Variants in RHD observed in about 807,000 individuals in gnomAD.
The protein encoded by RHD is blood group Rh(D) polypeptide.
RHD carries 16 observed loss-of-function variants against 45.5 expected under a neutral mutation model. The ratio of observed to expected loss-of-function variants is 0.35; its 90% CI spans 0.24 to 0.53. The LOEUF (loss-of-function observed/expected upper bound fraction) is 0.53, where lower values mean the gene tolerates loss of function less well. RHD is among the 20% of genes least tolerant of loss of function. The pLI is 0.92. For synonymous variants in RHD, 131 were observed against 217.5 expected (o/e 0.60, Z 3.50); for missense variants, 306 against 532.0 (o/e 0.58, Z 4.18).
chr1:25,307,619 G>A, intron 7 of RHD: 3 of 972,360 alleles, frequency 3.1e-6, no homozygotes, highest in Non-Finnish European at 4.7e-6. Flanking sequence ...TCTAAGAAAT[G>A]AGATTTAAGA....
chr1:25,276,360 C>T (rs1180802639), intron 1 of RHD, among the ~76,000 whole-genome samples: 3 of 123,974 alleles, frequency 2.4e-5, no homozygotes, highest in African/African-American at 8.4e-5. Flanking sequence ...CACGTAGGGT[C>T]ATCGTGCTGT....
rs545691736 is a variant in RHD, at chr1:25,279,232, G to T, written c.149-5341G>T. 2.0e-4 allele frequency among the ~76,000 whole-genome samples: 26 copies of T among 127,152 alleles called. 4 individuals are homozygous for T. The highest frequency in any genetic ancestry group is 7.1e-4 in the African/African-American group (26 of 36,680). 83.4% of individuals were successfully genotyped at this position (127,152 alleles called of 152,430 possible). On this transcript the variant is annotated intron_variant, in intron 1 of 9. Transcript: ENST00000328664. ...ACCGCTAATCAGCGGCCGGCACGGGGTAACAGTTACTAACACTCACTACGT... is the reference window on the plus strand; with the variant it reads ...ACCGCTAATCAGCGGCCGGCACGGGTTAACAGTTACTAACACTCACTACGT...
At position 25,313,695 on chromosome 1, in the gene RHD, A is replaced by C. The variant is rs140444853; in HGVS notation, c.1074-3305A>C. 3.5e-4 allele frequency among the ~76,000 whole-genome samples: 46 copies of C among 132,368 alleles called. 5 individuals carry two copies. The East Asian group carries it at 4.5e-3, about 13-fold the overall frequency. The allele number at this position is 132,368 out of a possible 152,430, so 86.8% of individuals were successfully genotyped here. On this transcript the variant is annotated intron_variant, in intron 7 of 9. Transcript: ENST00000328664. ...CAGCAGAAAGAGAGGGGGAACTGGG[A>C]CTATGCCTTTATGAAAAAGAGTGGT...
In RHD at chr1:25,329,049, A is replaced by C; in HGVS notation, c.*125A>C. 7.3e-7 allele frequency: 1 copy of C among 1,371,686 alleles called. No homozygotes were observed. The highest frequency in any genetic ancestry group is 1.4e-5 in the African/African-American group (1 of 70,912). The allele number at this position is 1,371,686 out of a possible 1,614,324, so 85.0% of individuals were successfully genotyped here. A position where few individuals can be genotyped will look rare whatever the true frequency, so the allele number is the denominator to read the frequency against. ...TCTCCAATGTTCGCGCAGGCACTGG[A>C]GTCAGAGAAAATGGAGTTGAATCCT... On this transcript the variant is annotated 3_prime_UTR_variant, in exon 10 of 10. Coordinates refer to ENST00000328664, the MANE Select transcript of RHD (RefSeq NM_016124.6).
intron 8 of RHD, among the ~76,000 whole-genome samples, chr1:25,321,202 C>A (rs141866055): frequency 2.3e-5 from 3 of 129,558 alleles, no homozygotes; most frequent in Non-Finnish European, 5.5e-5. Flanking sequence ...CCTATAGGAG[C>A]ACCCAATTGG....
At position 25,278,259 on chromosome 1, in the gene RHD, A is replaced by G. The variant is rs679693; in HGVS notation, c.148+5564A>G. Among the ~76,000 whole-genome samples the G allele has an allele frequency of 2.3e-4, 30 of 130,294 alleles. 3 individuals are homozygous for G. Among genetic ancestry groups the G allele is most frequent in the South Asian group, 7.2e-4 (3 of 4,184 alleles). The allele number at this position is 130,294 out of a possible 152,430, so 85.5% of individuals were successfully genotyped here. ...GCATAGAGAGGTGCCAGTTCCTGAG[A>G]TGAGAGACAGAAGGGGAGGGACAGG... is the stretch of plus-strand genomic sequence containing the variant. On this transcript the variant is annotated intron_variant, in intron 1 of 9. Coordinates refer to ENST00000328664, the MANE Select transcript of RHD (RefSeq NM_016124.6).
intron 7 of RHD, among the ~76,000 whole-genome samples, chr1:25,315,596 AC>A (rs1644398376): frequency 8.1e-6 from 1 of 123,112 alleles, no homozygotes; most frequent in Non-Finnish European, 1.9e-5. Context: ...TCCCAGGTTC[AC>A]GCCGTTCTCC....
intron 8 of RHD, 131 bp from the exon 9 acceptor site, chr1:25,321,758 G>C (rs1396726651): frequency 1.1e-5 from 5 of 465,270 alleles, no homozygotes; most frequent in African/African-American, 7.9e-5. Context: ...CCATTTATTT[G>C]TCTTTCAATT....
chr1:25,312,684 A>G (rs1644210484), intron 7 of RHD, among the ~76,000 whole-genome samples: 1 of 127,702 alleles, frequency 7.8e-6, no homozygotes, highest in African/African-American at 2.6e-5. Context: ...CAGGAGTTTG[A>G]GGCTGCAGTG....
chr1:25,302,294 GACAAA>G (rs1352770579), intron 5 of RHD, among the ~76,000 whole-genome samples: 1 of 129,456 alleles, frequency 7.7e-6, no homozygotes, highest in Admixed American at 7.5e-5. Context: ...TGAGAGGGGA[GACAAA>G]ACAAGTTCTC....
intron 2 of RHD, 103 bp from the exon 3 acceptor site, chr1:25,290,538 A>C: frequency 9.6e-7 from 1 of 1,044,878 alleles, no homozygotes; most frequent in Admixed American, 1.9e-5. Flanking sequence ...GTAGGTGCCC[A>C]ACAGTGTTTG....
chr1:25,313,920 A>C (rs1318137347), intron 7 of RHD, among the ~76,000 whole-genome samples: 1 of 133,240 alleles, frequency 7.5e-6, no homozygotes, highest in African/African-American at 2.6e-5. Context: ...AGAATCTAAG[A>C]AAAGATAGTT....
intron 8 of RHD, among the ~76,000 whole-genome samples, chr1:25,321,388 T>TGGTG (rs1644691135): frequency 8.4e-6 from 1 of 118,832 alleles, no homozygotes; most frequent in Non-Finnish European, 2.0e-5. Context: ...CGGCCAGGTG[T>TGGTG]GGTGGCTCAT....
chr1:25,280,308 C>CT (rs76220916), intron 1 of RHD, among the ~76,000 whole-genome samples: 2,273 of 113,052 alleles, frequency 0.02, 467 homozygotes, highest in Non-Finnish European at 0.031. Context: ...TTCCTCATCT[C>CT]TTTTTTTTTT....
rs531187971 is a variant in RHD, at chr1:25,277,965, C to T, written c.148+5270C>T. 3.1e-3 allele frequency among the ~76,000 whole-genome samples: 415 copies of T among 133,088 alleles called. 89 individuals carry two copies. The highest frequency in any genetic ancestry group is 6.0e-3 in the South Asian group (26 of 4,324). 87.3% of individuals were successfully genotyped at this position (133,088 alleles called of 152,430 possible). The stretch of plus-strand genomic sequence containing the variant: ...CTGGGATTACAGGCGTGAGCCACCG[C>T]GCCTGGCCCAAAAGCTTTAATTTCT... On this transcript the variant is annotated intron_variant, in intron 1 of 9. Transcript: ENST00000328664.
intron 1 of RHD, among the ~76,000 whole-genome samples, chr1:25,283,358 C>A (rs781124328): frequency 7.6e-6 from 1 of 131,102 alleles, no homozygotes; most frequent in African/African-American, 2.6e-5. Flanking sequence ...TAGCGAAACC[C>A]CTTCTCTATT....
At chr1:25,319,027 G>A (rs1644560473) in intron 8 of RHD, among the ~76,000 whole-genome samples, 1 of 132,356 alleles carries the variant, frequency 7.6e-6, no homozygotes, top group African/African-American at 2.6e-5. Context: ...TCCAACCCTG[G>A]GAAAGGCTGC....
At chr1:25,301,226 T>C (rs368734984) in intron 4 of RHD, 133 bp downstream of exon 4, 17 of 946,470 alleles carry the variant, frequency 1.8e-5, no homozygotes, top group Middle Eastern at 3.1e-4. Context: ...CATGATTCAT[T>C]TCTTTGAGTA....
At chr1:25,316,390 C>T (rs1284652627) in intron 7 of RHD, among the ~76,000 whole-genome samples, 1 of 129,024 alleles carries the variant, frequency 7.8e-6, no homozygotes, top group Non-Finnish European at 1.8e-5. Flanking sequence ...GAGGCCGAGG[C>T]GGGCAGATCA....
Sources: gnomAD v4.1 joint callset for allele counts (sites outside exome capture counted in the v4.1 genomes callset) on GRCh38, gnomAD v4.1.1 for gene constraint, MANE v1.5 for transcripts, NCBI Gene and HGNC (gene_info 2026-07-23, HGNC 2026-07-21) for gene names.